Variants in ADGRB3 observed in about 807,000 individuals in gnomAD.
ADGRB3 encodes brain-specific angiogenesis inhibitor 3.
ADGRB3 carries 37 observed loss-of-function variants against 193.4 expected under a neutral mutation model. That is an observed-to-expected ratio of 0.19 (90% CI 0.15 to 0.25). The LOEUF is 0.25. Among genes scored for constraint, ADGRB3 ranks in the 10% least tolerant of loss-of-function variants. The pLI is 1.00. For missense variants in ADGRB3, 1,637 were observed against 1,852.9 expected (o/e 0.88, Z 2.14); for synonymous variants, 690 against 644.2 (o/e 1.07, Z -1.08).
intron 17 of ADGRB3, among the ~76,000 whole-genome samples, chr6:69,103,884 A>G (rs1003918068): frequency 2.0e-5 from 3 of 151,940 alleles, no homozygotes; most frequent in African/African-American, 7.2e-5. Context: ...AGGCAAGCTA[A>G]TTAACAACTA....
At chr6:68,766,330 GTACTA>G (rs1224546601) in intron 3 of ADGRB3, among the ~76,000 whole-genome samples, 12 of 151,750 alleles carry the variant, frequency 7.9e-5, no homozygotes, top group Non-Finnish European at 1.5e-5. Context: ...TTCACTGTAG[GTACTA>G]TACTAGTTCC....
chr6:68,956,019 G>A lies in ADGRB3; in HGVS notation c.1196-5G>A. ...CTCATGCTGTCTCTTTTTCTGCTTT[G>A]GTAGTTGATGGACAGTGGCAAGAGT... On this transcript the variant is annotated splice_region_variant and splice_polypyrimidine_tract_variant and intron_variant, in intron 6 of 31. Coordinates refer to ENST00000370598, the MANE Select transcript of ADGRB3 (RefSeq NM_001704.3). 1 of 1,610,868 alleles carries A rather than the reference G, an allele frequency of 6.2e-7. No homozygotes were observed. The highest frequency in any genetic ancestry group is 2.2e-5 in the East Asian group (1 of 44,762).
chr6:68,859,521 C>T (rs1327136478), intron 3 of ADGRB3, among the ~76,000 whole-genome samples: 1 of 152,016 alleles, frequency 6.6e-6, no homozygotes, highest in Non-Finnish European at 1.5e-5. Context: ...TGGACTTACA[C>T]TTTGACATTG....
chr6:68,991,780 G>A (rs1319831739), intron 10 of ADGRB3, among the ~76,000 whole-genome samples: 1 of 152,142 alleles, frequency 6.6e-6, no homozygotes, highest in East Asian at 1.9e-4. Context: ...TCTTAGGCTT[G>A]TGTGGGTTGA....
intron 12 of ADGRB3, among the ~76,000 whole-genome samples, chr6:69,015,698 G>T (rs79774597): frequency 0.013 from 1,926 of 151,988 alleles, 21 homozygotes; most frequent in South Asian, 0.029. Context: ...GAGTAAAATG[G>T]TGGCTATTGA....
chr6:69,344,316 A>G (rs932976390), intron 26 of ADGRB3, among the ~76,000 whole-genome samples: 8 of 152,188 alleles, frequency 5.3e-5, no homozygotes, highest in African/African-American at 9.6e-5. Context: ...AGGTCCCAAA[A>G]TCTGTATCCA....
At chr6:69,350,004 G>A (rs184458225) in intron 26 of ADGRB3, among the ~76,000 whole-genome samples, 28 of 152,284 alleles carry the variant, frequency 1.8e-4, no homozygotes, top group African/African-American at 6.7e-4. Context: ...GCTACCAGCT[G>A]CCTTCAGAGC....
intron 13 of ADGRB3, among the ~76,000 whole-genome samples, chr6:69,022,586 A>G (rs893477571): frequency 1.3e-5 from 2 of 151,728 alleles, no homozygotes; most frequent in Admixed American, 6.6e-5. Flanking sequence ...ATCTACTCCC[A>G]TTTTTCATCC....
chr6:69,205,462 A>G (rs1007769574), intron 17 of ADGRB3, among the ~76,000 whole-genome samples: 1 of 152,138 alleles, frequency 6.6e-6, no homozygotes, highest in Non-Finnish European at 1.5e-5. Context: ...CAAATCAAAA[A>G]AAGTACAGTA....
intron 20 of ADGRB3, among the ~76,000 whole-genome samples, chr6:69,300,558 T>C (rs1347910624): frequency 6.6e-6 from 1 of 151,820 alleles, no homozygotes; most frequent in Non-Finnish European, 1.5e-5. Context: ...TATCATCTTA[T>C]ATTTAGAAAT....
chr6:69,226,312 A>G (rs1006998204), intron 17 of ADGRB3, among the ~76,000 whole-genome samples: 3 of 152,232 alleles, frequency 2.0e-5, no homozygotes, highest in Non-Finnish European at 4.4e-5. Context: ...TGTTGAATAA[A>G]TGAATGAATG....
intron 3 of ADGRB3, among the ~76,000 whole-genome samples, chr6:68,898,063 T>C (rs1766290911): frequency 6.6e-6 from 1 of 150,466 alleles, no homozygotes; most frequent in South Asian, 2.1e-4. Flanking sequence ...GAGAGGTTTA[T>C]TATAGGAATT....
chr6:68,771,473 A>C (rs1766617694), intron 3 of ADGRB3, among the ~76,000 whole-genome samples: 1 of 152,068 alleles, frequency 6.6e-6, no homozygotes, highest in Admixed American at 6.6e-5. Context: ...CTAATTGAAG[A>C]GATTTAAATG....
intron 3 of ADGRB3, among the ~76,000 whole-genome samples, chr6:68,918,625 C>A (rs1308916424): frequency 6.6e-6 from 1 of 152,136 alleles, no homozygotes; most frequent in Non-Finnish European, 1.5e-5. Flanking sequence ...GCTAGAAATT[C>A]AACATCCTCT....
chr6:69,358,781 G>A (rs147574242), intron 28 of ADGRB3, among the ~76,000 whole-genome samples: 14 of 151,744 alleles, frequency 9.2e-5, no homozygotes, highest in Middle Eastern at 3.4e-3. Flanking sequence ...TCATGTTTTC[G>A]TGTGTAGGTG....
At chr6:68,668,678 T>C (rs1253079055) in intron 3 of ADGRB3, among the ~76,000 whole-genome samples, 1 of 151,968 alleles carries the variant, frequency 6.6e-6, no homozygotes, top group Admixed American at 6.6e-5. Context: ...TGGGAAATGC[T>C]CTTCTTTCCA....
chr6:69,304,385 G>A (rs1768019579), intron 20 of ADGRB3, among the ~76,000 whole-genome samples: 1 of 151,546 alleles, frequency 6.6e-6, no homozygotes, highest in Non-Finnish European at 1.5e-5. Flanking sequence ...AAGACTTGCA[G>A]AGAAACATAA....
At chr6:69,053,689 T>A (rs1771463393) in intron 15 of ADGRB3, among the ~76,000 whole-genome samples, 2 of 152,202 alleles carry the variant, frequency 1.3e-5, no homozygotes, top group Admixed American at 1.3e-4. Context: ...ACATTCACAT[T>A]AAGGAATTAG....
intron 20 of ADGRB3, among the ~76,000 whole-genome samples, chr6:69,296,403 A>G (rs1253927664): frequency 6.6e-6 from 1 of 151,910 alleles, no homozygotes; most frequent in Admixed American, 6.6e-5. Flanking sequence ...TTCTTATCCC[A>G]CTTCTCCCTA....
Sources: allele counts gnomAD v4.1 joint callset (sites outside exome capture counted in the v4.1 genomes callset), GRCh38; gene constraint gnomAD v4.1.1; transcripts MANE v1.5; gene names NCBI Gene and HGNC (gene_info 2026-07-23, HGNC 2026-07-21).